The following GLRA2 variants were observed in gnomAD, a reference collection of about 807,000 sequenced individuals.
GLRA2 encodes the protein glycine receptor subunit alpha-2.
A neutral mutation model predicts 31.6 loss-of-function variants in GLRA2; 11 were observed. The ratio of observed to expected loss-of-function variants is 0.35; its 90% confidence interval spans 0.22 to 0.58. The LOEUF is 0.58. Among genes scored for constraint, GLRA2 ranks in the 20% least tolerant of loss-of-function variants. The pLI is 0.84. For synonymous variants in GLRA2, 132 were observed against 134.0 expected (o/e 0.99, Z 0.10); for missense variants, 212 against 351.8 (o/e 0.60, Z 3.18).
the GLRA2 span, among the ~76,000 whole-genome samples, chrX:14,510,039 C>T: frequency 9.0e-6 from 1 of 111,387 alleles, no homozygotes; most frequent in African/African-American, 3.3e-5. Flanking sequence ...GGAAAGGGTC[C>T]TGGCAGGAAA....
the GLRA2 span, among the ~76,000 whole-genome samples, chrX:14,455,174 G>T: frequency 9.0e-6 from 1 of 111,692 alleles, no homozygotes; most frequent in Non-Finnish European, 1.9e-5. Context: ...TATAAAACTT[G>T]CTTTGTAAAA....
chrX:14,664,227 G>A (rs1601811879), intron 7 of GLRA2, among the ~76,000 whole-genome samples: 1 of 111,732 alleles, frequency 8.9e-6, no homozygotes, highest in Middle Eastern at 4.7e-3. Flanking sequence ...ATTTCAGCTT[G>A]TATTTCTTCT....
chrX:14,721,609 C>G (rs1272293839), intron 8 of GLRA2, among the ~76,000 whole-genome samples: 3 of 111,430 alleles, frequency 2.7e-5, no homozygotes, highest in Non-Finnish European at 5.6e-5. Flanking sequence ...TCAGGTACTG[C>G]TTTAGATATT....
chrX:14,474,713 ATGG>A, the GLRA2 span, among the ~76,000 whole-genome samples: 1 of 99,873 alleles, frequency 1.0e-5, no homozygotes, highest in Non-Finnish European at 2.0e-5. Context: ...GATGGCTGGG[ATGG>A]CTGGGATGGC....
chrX:14,608,900 C>CTT (rs35800731), intron 6 of GLRA2, 91 bp from the exon 7 acceptor site: 206 of 416,389 alleles, frequency 4.9e-4, no homozygotes, highest in African/African-American at 8.8e-4. Flanking sequence ...CTGCAGTAGT[C>CTT]TTTTTTTTTT....
chrX:14,730,615 G>GT lies in GLRA2; in HGVS notation c.*133dup. ...GGGGGAGGGAGGGTCATGGGGGTGGGTTTCCTGGCACCTACATGAAAAAAA... is the reference window on the plus strand; with the variant it reads ...GGGGGAGGGAGGGTCATGGGGGTGGGTTTTCCTGGCACCTACATGAAAAAAA... On this transcript the variant is annotated 3_prime_UTR_variant, in exon 9 of 9. Coordinates refer to ENST00000218075, the MANE Select transcript of GLRA2 (RefSeq NM_002063.4). 4.8e-6 allele frequency: 1 copy of GT among 209,630 alleles called. No individual in the cohort carries two copies. The highest frequency in any genetic ancestry group is 6.8e-5 in the South Asian group (1 of 14,739). 17.3% of individuals were successfully genotyped at this position (209,630 alleles called of 1,213,427 possible). A position where few individuals can be genotyped will look rare whatever the true frequency, so the allele number is the denominator to read the frequency against.
rs750839813 is a variant in GLRA2, at chrX:14,682,562, T to A, written c.931-8148T>A. ...AACTATTTTAAAATCTTTTTTTTTTTAATTATACTTTAAGTTCTAGGGTAC... is the reference window on the plus strand; with the variant it reads ...AACTATTTTAAAATCTTTTTTTTTTAAATTATACTTTAAGTTCTAGGGTAC... On this transcript the variant is annotated intron_variant, in intron 7 of 8. Coordinates refer to ENST00000218075, the MANE Select transcript of GLRA2 (RefSeq NM_002063.4). Among the ~76,000 whole-genome samples, 58 of 111,443 alleles carry A rather than the reference T, an allele frequency of 5.2e-4. No individual in the cohort carries two copies. In the Middle Eastern group the frequency reaches 0.014, roughly 27 times the overall value.
chrX:14,730,520 A>C lies in GLRA2; in HGVS notation c.*35A>C. Reference sequence around the variant, plus strand: ...ACAGACCCTGGGACCTTCTTGCCTCAGTGTTGTGCTTGTAAATACACAGTG... The same window carrying C: ...ACAGACCCTGGGACCTTCTTGCCTCCGTGTTGTGCTTGTAAATACACAGTG... On this transcript the variant is annotated 3_prime_UTR_variant, in exon 9 of 9. Transcript: ENST00000218075. The C allele has an allele frequency of 1.1e-6, 1 of 923,365 alleles. No homozygotes were observed. The highest frequency in any genetic ancestry group is 1.5e-6 in the Non-Finnish European group (1 of 688,281). The allele number at this position is 923,365 out of a possible 1,213,427, so 76.1% of individuals were successfully genotyped here.
At chrX:14,459,791 T>C in the GLRA2 span, among the ~76,000 whole-genome samples, 1 of 112,036 alleles carries the variant, frequency 8.9e-6, no homozygotes, top group Non-Finnish European at 1.9e-5. Context: ...TGGGGTTTTC[T>C]TAATATACAA....
chrX:14,522,835 T>C, the GLRA2 span, among the ~76,000 whole-genome samples: 1 of 112,098 alleles, frequency 8.9e-6, no homozygotes, highest in Non-Finnish European at 1.9e-5. Flanking sequence ...TTAGCTGTCA[T>C]CCAGCCTTTG....
chrX:14,724,489 G>A (rs776957455), intron 8 of GLRA2, among the ~76,000 whole-genome samples: 3 of 108,460 alleles, frequency 2.8e-5, no homozygotes, highest in Non-Finnish European at 5.7e-5. Flanking sequence ...AGCTGGACAT[G>A]GTGGTGGGCA....
chrX:14,637,683 C>G (rs938472381), intron 7 of GLRA2, among the ~76,000 whole-genome samples: 1 of 111,641 alleles, frequency 9.0e-6, no homozygotes, highest in African/African-American at 3.3e-5. Context: ...TGTTTGATTA[C>G]AGGGTCTTCC....
the GLRA2 span, among the ~76,000 whole-genome samples, chrX:14,508,356 CA>C: frequency 8.9e-6 from 1 of 111,998 alleles, no homozygotes; most frequent in Non-Finnish European, 1.9e-5. Flanking sequence ...TTAAAATTTT[CA>C]TTGGCGGAGG....
chrX:14,707,396 C>T (rs1486505255), intron 8 of GLRA2, among the ~76,000 whole-genome samples: 2 of 111,406 alleles, frequency 1.8e-5, no homozygotes, highest in African/African-American at 3.3e-5. Context: ...AGATTATGCA[C>T]GTGAAGAACA....
At chrX:14,711,853 T>C (rs1429501178) in intron 8 of GLRA2, among the ~76,000 whole-genome samples, 1 of 112,378 alleles carries the variant, frequency 8.9e-6, no homozygotes, top group Non-Finnish European at 1.9e-5. Context: ...TTCCCTATCC[T>C]TGGAAACTTA....
intron 4 of GLRA2, among the ~76,000 whole-genome samples, chrX:14,583,486 C>T (rs1311092565): frequency 1.8e-5 from 2 of 112,544 alleles, no homozygotes; most frequent in Non-Finnish European, 3.8e-5. Flanking sequence ...CGCCTGTAAT[C>T]CCAGCACTTT....
At chrX:14,724,988 T>C (rs1346229518) in intron 8 of GLRA2, among the ~76,000 whole-genome samples, 1 of 111,676 alleles carries the variant, frequency 9.0e-6, no homozygotes, top group Non-Finnish European at 1.9e-5. Context: ...GGCAAAAACG[T>C]ACACAAATCA....
chrX:14,475,437 A>G, the GLRA2 span, among the ~76,000 whole-genome samples: 1 of 112,181 alleles, frequency 8.9e-6, no homozygotes, highest in South Asian at 3.7e-4. Flanking sequence ...GCTTGACCCT[A>G]GAAACATATA....
chrX:14,602,874 G>A (rs770707595), intron 4 of GLRA2, among the ~76,000 whole-genome samples: 16 of 111,809 alleles, frequency 1.4e-4, no homozygotes, highest in Admixed American at 7.6e-4. Flanking sequence ...ACTGTGAATT[G>A]TACTGCTATA....
Sources: gnomAD v4.1 joint callset for allele counts (sites outside exome capture counted in the v4.1 genomes callset) on GRCh38, gnomAD v4.1.1 for gene constraint, MANE v1.5 for transcripts, NCBI Gene and HGNC (gene_info 2026-07-23, HGNC 2026-07-21) for gene names.